The following CTNNA2 variants were observed in gnomAD, a reference collection of about 807,000 sequenced individuals.
CTNNA2 encodes the protein catenin alpha 2, also known as catenin alpha-2.
A neutral mutation model predicts 101.0 loss-of-function variants in CTNNA2; 42 were observed. The ratio of observed to expected loss-of-function variants is 0.42; its 90% confidence interval spans 0.32 to 0.54. CTNNA2 has a LOEUF of 0.54. Among genes scored for constraint, CTNNA2 ranks in the 20% least tolerant of loss-of-function variants. CTNNA2 has a pLI of 0.14. For missense variants in CTNNA2, 871 were observed against 1,223.1 expected, an observed-to-expected ratio of 0.71 and a Z score of 4.29; for synonymous variants, 450 against 456.4, an observed-to-expected ratio of 0.99 and a Z score of 0.18.
chr2:79,767,863 G>A (rs537655389), intron 3 of CTNNA2, among the ~76,000 whole-genome samples: 16 of 151,348 alleles, frequency 1.1e-4, no homozygotes, highest in African/African-American at 3.6e-4. Context: ...CAGAAGGAAG[G>A]GGTCTCTCTT....
intron 7 of CTNNA2, among the ~76,000 whole-genome samples, chr2:80,220,504 T>C (rs1708515699): frequency 6.6e-6 from 1 of 152,228 alleles, no homozygotes; most frequent in South Asian, 2.1e-4. Context: ...GGAGGACTGC[T>C]TGAGCTCAGG....
intron 3 of CTNNA2, among the ~76,000 whole-genome samples, chr2:79,333,351 G>A (rs1676920269): frequency 6.6e-6 from 1 of 152,046 alleles, no homozygotes; most frequent in Non-Finnish European, 1.5e-5. Context: ...GCCTACACAG[G>A]TCCCAGTACA....
intron 7 of CTNNA2, among the ~76,000 whole-genome samples, chr2:79,994,917 A>C (rs1692439095): frequency 6.6e-6 from 1 of 152,116 alleles, no homozygotes; most frequent in Admixed American, 6.6e-5. Flanking sequence ...GTGCCCAGTA[A>C]ATTCAAGCCA....
At chr2:79,491,044 A>T (rs553494040) in intron 4 of CTNNA2, among the ~76,000 whole-genome samples, 1 of 152,328 alleles carries the variant, frequency 6.6e-6, no homozygotes, top group South Asian at 2.1e-4. Context: ...GTAATGGATG[A>T]AAACCCTGCA....
intron 9 of CTNNA2, among the ~76,000 whole-genome samples, chr2:80,475,307 C>T (rs1194673770): frequency 6.6e-6 from 1 of 152,044 alleles, no homozygotes; most frequent in African/African-American, 2.4e-5. Context: ...GCATTTTTTC[C>T]CCTTTATTTT....
At chr2:80,155,813 C>G (rs972802867) in intron 7 of CTNNA2, among the ~76,000 whole-genome samples, 5 of 152,180 alleles carry the variant, frequency 3.3e-5, no homozygotes, top group Admixed American at 2.6e-4. Context: ...ACATTCAAAT[C>G]CATGGTTTGC....
chr2:80,086,366 T>C (rs961173178), intron 7 of CTNNA2, among the ~76,000 whole-genome samples: 1 of 152,082 alleles, frequency 6.6e-6, no homozygotes, highest in Non-Finnish European at 1.5e-5. Flanking sequence ...TTTGTGCTGA[T>C]TTAAAGTGTT....
intron 1 of CTNNA2, among the ~76,000 whole-genome samples, chr2:79,644,540 C>T (rs1339190265): frequency 6.6e-6 from 1 of 152,198 alleles, no homozygotes; most frequent in African/African-American, 2.4e-5. Flanking sequence ...CTTTGCATTA[C>T]ATCTCACAGG....
chr2:79,586,819 A>C (rs561479380), intron 1 of CTNNA2, among the ~76,000 whole-genome samples: 97 of 144,266 alleles, frequency 6.7e-4, no homozygotes, highest in Non-Finnish European at 5.3e-4. Context: ...ATCCCTCACC[A>C]CCCCCACCCT....
chr2:79,329,583 G>A (rs1676824001), intron 3 of CTNNA2, among the ~76,000 whole-genome samples: 1 of 152,080 alleles, frequency 6.6e-6, no homozygotes, highest in Non-Finnish European at 1.5e-5. Context: ...ACTTCTGACA[G>A]GATGCCCAGT....
chr2:80,200,745 A>G lies in CTNNA2; in HGVS notation c.1057-192466A>G, dbSNP rs139830115. ...GAGATGGGGTTTCACCATGTTGGCC[A>G]GGATGGTATACATCTCCTAACCTCA... On this transcript the variant is annotated intron_variant, in intron 7 of 18. Transcript: ENST00000402739. 3.4e-3 allele frequency among the ~76,000 whole-genome samples: 518 copies of G among 152,248 alleles called. 5 individuals are homozygous for G. Among genetic ancestry groups the G allele is most frequent in the African/African-American group, 0.012 (500 of 41,528 alleles).
intron 4 of CTNNA2, among the ~76,000 whole-genome samples, chr2:79,444,938 G>A: frequency 6.6e-6 from 1 of 152,026 alleles, no homozygotes; most frequent in East Asian, 1.9e-4. Flanking sequence ...TTTGTACCCT[G>A]GAAGAAGGGA....
At chr2:80,048,194 T>G (rs1002444515) in intron 7 of CTNNA2, among the ~76,000 whole-genome samples, 2 of 152,226 alleles carry the variant, frequency 1.3e-5, no homozygotes, top group African/African-American at 4.8e-5. Context: ...CAAATGATTT[T>G]TAGTATAAGT....
At chr2:80,573,820 TAACCAGCAGC>T (rs1215302918) in intron 12 of CTNNA2, among the ~76,000 whole-genome samples, 9 of 152,184 alleles carry the variant, frequency 5.9e-5, no homozygotes, top group Admixed American at 3.3e-4. Flanking sequence ...CAGTAACCAG[TAACCAGCAGC>T]AACCAGCAGA....
chr2:80,269,705 T>C (rs1399513360), intron 7 of CTNNA2, among the ~76,000 whole-genome samples: 1 of 152,188 alleles, frequency 6.6e-6, no homozygotes, highest in Non-Finnish European at 1.5e-5. Context: ...TGCTATTAAG[T>C]GGTCCTTCTG....
intron 3 of CTNNA2, among the ~76,000 whole-genome samples, chr2:79,817,255 A>G (rs139023790): frequency 2.0e-4 from 30 of 150,634 alleles, no homozygotes; most frequent in Middle Eastern, 3.5e-3. Context: ...TCATGCATTA[A>G]ATGAACTCAT....
rs1553506051 is a variant in CTNNA2, at chr2:80,370,253, G to GAT, written c.1057-22958_1057-22957insAT. 2.7e-3 allele frequency among the ~76,000 whole-genome samples: 403 copies of GAT among 150,788 alleles called. 4 individuals carry two copies. The highest frequency in any genetic ancestry group is 8.7e-3 in the African/African-American group (357 of 41,142). ...ATATTGTATATGAACATATTTGAGT[G>GAT]GTGTGTGTGTGTGTGTATGTGTTTG... is the stretch of plus-strand genomic sequence containing the variant. On this transcript the variant is annotated intron_variant, in intron 7 of 18. Transcript: ENST00000402739.
At chr2:79,636,145 C>T (rs1263207116) in intron 1 of CTNNA2, among the ~76,000 whole-genome samples, 3 of 149,924 alleles carry the variant, frequency 2.0e-5, no homozygotes, top group African/African-American at 7.3e-5. Context: ...TGGCGGGCAC[C>T]TGTAGTCCCA....
Position 79,208,781 on chromosome 2 carries a change from C to T in CTNNA2, c.-406+10705C>T, listed in dbSNP as rs1204802588. ...GCATAATTTGCTATTGAAACCTAGG[C>T]TGTGACTATAAATTAATTAAAATTT... On this transcript the variant is annotated intron_variant, in intron 2 of 21. Transcript: ENST00000466387. 2.0e-5 allele frequency among the ~76,000 whole-genome samples: 3 copies of T among 152,222 alleles called. No homozygotes were observed. In the East Asian group the frequency reaches 5.8e-4, roughly 29 times the overall value.
Sources: allele counts gnomAD v4.1 joint callset (sites outside exome capture counted in the v4.1 genomes callset), GRCh38; gene constraint gnomAD v4.1.1; transcripts MANE v1.5; gene names NCBI Gene and HGNC (gene_info 2026-07-23, HGNC 2026-07-21).